The following MRPL13 variants were observed in gnomAD, a reference collection of about 807,000 sequenced individuals.
MRPL13 encodes the protein large ribosomal subunit protein uL13m.
A neutral mutation model predicts 29.0 loss-of-function variants in MRPL13; 33 were observed. The observed-to-expected ratio is 1.14, with a 90% CI of 0.86 to 1.52. The LOEUF (loss-of-function observed/expected upper bound fraction) is 1.52, where lower values mean the gene tolerates loss of function less well. Among genes scored for constraint, MRPL13 ranks in the 40% most tolerant of loss-of-function variants. MRPL13 has a pLI of 0.00. For synonymous variants in MRPL13, 77 were observed against 68.4 expected (o/e 1.13, Z -0.62); for missense variants, 227 against 216.7 (o/e 1.05, Z -0.30).
intron 6 of MRPL13, among the ~76,000 whole-genome samples, chr8:120,413,586 GTTT>G (rs1812766504): frequency 6.6e-6 from 1 of 152,050 alleles, no homozygotes; most frequent in South Asian, 2.1e-4. Flanking sequence ...TTTTTATTTT[GTTT>G]TTCTTTTTGG....
At chr8:120,410,077 T>C (rs994905955) in intron 6 of MRPL13, among the ~76,000 whole-genome samples, 3 of 152,226 alleles carry the variant, frequency 2.0e-5, no homozygotes, top group African/African-American at 7.2e-5. Context: ...CAGAAGCTTT[T>C]AGTCTCTAAT....
At chr8:120,419,670 A>G (rs182607308) in intron 5 of MRPL13, 182 bp downstream of exon 5, 1 of 377,310 alleles carries the variant, frequency 2.7e-6, no homozygotes, top group African/African-American at 2.1e-5. Context: ...TTCATTTTAC[A>G]TTTTAAAATA....
chr8:120,404,656 G>A (rs1812644217), intron 6 of MRPL13, among the ~76,000 whole-genome samples: 1 of 152,152 alleles, frequency 6.6e-6, no homozygotes, highest in Admixed American at 6.6e-5. Context: ...CTCATTAGAT[G>A]CCACAAAGTA....
In MRPL13 at chr8:120,399,263, C is replaced by T. The variant is rs755521058; in HGVS notation, c.516-3138G>A. On this transcript the variant is annotated intron_variant, in intron 6 of 6. Transcript: ENST00000306185. The stretch of plus-strand genomic sequence containing the variant: ...CCAGAGAGAAAGGCCAGGTCACCTA[C>T]GAAGAGAAACCAGTCAGACTAACAG... 7.2e-5 allele frequency among the ~76,000 whole-genome samples: 11 copies of T among 152,170 alleles called. No individual in the cohort carries two copies. In the South Asian group the frequency reaches 1.0e-3, roughly 14 times the overall value.
At chr8:120,405,874 A>C (rs987013365) in intron 6 of MRPL13, among the ~76,000 whole-genome samples, 7 of 152,232 alleles carry the variant, frequency 4.6e-5, no homozygotes, top group African/African-American at 1.7e-4. Context: ...GAAGGGTGGC[A>C]TCTAGCACAT....
At chr8:120,419,796 G>A in intron 5 of MRPL13, 56 bp downstream of exon 5, 1 of 1,299,056 alleles carries the variant, frequency 7.7e-7, no homozygotes, top group Non-Finnish European at 1.0e-6. Flanking sequence ...AAAAGAAAAT[G>A]AAACATTTAA....
At chr8:120,402,878 C>T (rs955005419) in intron 6 of MRPL13, among the ~76,000 whole-genome samples, 15 of 152,124 alleles carry the variant, frequency 9.9e-5, no homozygotes, top group Admixed American at 3.3e-4. Context: ...ATTCATGAGG[C>T]CAACAAACAT....
At chr8:120,397,266 C>T (rs185967423) in intron 6 of MRPL13, among the ~76,000 whole-genome samples, 3 of 152,256 alleles carry the variant, frequency 2.0e-5, no homozygotes, top group African/African-American at 7.2e-5. Context: ...CACAGAGACC[C>T]AGGAGTTTAA....
At chr8:120,420,329 A>G (rs1812854898) in intron 4 of MRPL13, among the ~76,000 whole-genome samples, 1 of 151,148 alleles carries the variant, frequency 6.6e-6, no homozygotes, top group Non-Finnish European at 1.5e-5. Flanking sequence ...TTCTCTCATC[A>G]AATCAGACCA....
At chr8:120,437,407 A>C (rs534070833) in intron 2 of MRPL13, among the ~76,000 whole-genome samples, 12 of 152,292 alleles carry the variant, frequency 7.9e-5, no homozygotes, top group African/African-American at 2.6e-4. Flanking sequence ...ACATAATCTA[A>C]TTTTAGCAAA....
At position 120,441,707 on chromosome 8, in the gene MRPL13, C is replaced by T. The variant is rs147713809; in HGVS notation, c.151+1478G>A. ...AAAAATAATAGCTGTAAGAAACATA[C>T]TTGGGAAAACCAAAGAAATTTAAAA... is the stretch of plus-strand genomic sequence containing the variant. On this transcript the variant is annotated intron_variant, in intron 2 of 6. Transcript: ENST00000306185. Among the ~76,000 whole-genome samples, 574 of 152,256 alleles carry T rather than the reference C, an allele frequency of 3.8e-3. 4 individuals carry two copies. The highest frequency in any genetic ancestry group is 0.013 in the African/African-American group (538 of 41,546).
chr8:120,396,058 G>T lies in MRPL13; in HGVS notation c.*46C>A. 6.6e-7 allele frequency: 1 copy of T among 1,515,032 alleles called. No homozygotes were observed. The highest frequency in any genetic ancestry group is 1.2e-5 in the South Asian group (1 of 84,116). 93.8% of individuals were successfully genotyped at this position (1,515,032 alleles called of 1,614,324 possible). A position where few individuals can be genotyped will look rare whatever the true frequency, so the allele number is the denominator to read the frequency against. ...TGTAGGTTAGAGAAACTCATCAGAAGAAAGTTTCAATCACTTCACTGTTAT... is the reference window on the plus strand; with the variant it reads ...TGTAGGTTAGAGAAACTCATCAGAATAAAGTTTCAATCACTTCACTGTTAT... On this transcript the variant is annotated 3_prime_UTR_variant, in exon 7 of 7. Coordinates refer to ENST00000306185, the MANE Select transcript of MRPL13 (RefSeq NM_014078.6).
intron 5 of MRPL13, among the ~76,000 whole-genome samples, chr8:120,416,927 G>T (rs1356126682): frequency 6.6e-6 from 1 of 152,084 alleles, no homozygotes; most frequent in Non-Finnish European, 1.5e-5. Context: ...TCCCAAATAG[G>T]TCTAATATTG....
intron 3 of MRPL13, among the ~76,000 whole-genome samples, chr8:120,428,713 G>A (rs1812961454): frequency 6.6e-6 from 1 of 152,064 alleles, no homozygotes; most frequent in African/African-American, 2.4e-5. Context: ...ACGTACATAT[G>A]GCCAACAATC....
intron 2 of MRPL13, among the ~76,000 whole-genome samples, chr8:120,442,252 C>A (rs1361059318): frequency 2.6e-5 from 4 of 152,166 alleles, no homozygotes; most frequent in African/African-American, 9.7e-5. Flanking sequence ...CTCTTGCATG[C>A]TACTGGCATG....
chr8:120,414,706 A>T (rs1812784565), intron 5 of MRPL13: 2 of 152,242 alleles, frequency 1.3e-5, no homozygotes, highest in Non-Finnish European at 2.9e-5. Context: ...CGTTACCACT[A>T]GTCCACCTCT....
intron 6 of MRPL13, among the ~76,000 whole-genome samples, chr8:120,409,655 A>G (rs1812719661): frequency 6.6e-6 from 1 of 152,202 alleles, no homozygotes; most frequent in Non-Finnish European, 1.5e-5. Context: ...AAGAAATATA[A>G]AATAAACTTC....
chr8:120,419,732 A>C, intron 5 of MRPL13, 120 bp downstream of exon 5: 1 of 609,948 alleles, frequency 1.6e-6, no homozygotes, highest in Non-Finnish European at 2.7e-6. Flanking sequence ...AAATACAAAA[A>C]TATTTCAGAA....
intron 4 of MRPL13, among the ~76,000 whole-genome samples, chr8:120,420,430 C>A (rs1586922790): frequency 6.8e-6 from 1 of 147,454 alleles, no homozygotes; most frequent in East Asian, 2.0e-4. Flanking sequence ...TTTTTGAGGT[C>A]ATTTAATGTA....
Sources: allele counts gnomAD v4.1 joint callset (sites outside exome capture counted in the v4.1 genomes callset), GRCh38; gene constraint gnomAD v4.1.1; transcripts MANE v1.5; gene names NCBI Gene and HGNC (gene_info 2026-07-23, HGNC 2026-07-21).